AATF: variants seen among roughly 807,000 people sequenced by gnomAD.
The protein encoded by AATF is apoptosis antagonizing transcription factor.
A neutral mutation model predicts 63.7 loss-of-function variants in AATF; 48 were observed. The observed-to-expected ratio is 0.75, with a 90% CI of 0.60 to 0.96. AATF has a LOEUF of 0.96. AATF is among the 40% of genes least tolerant of loss of function. AATF has a pLI of 0.00. For synonymous variants in AATF, 258 were observed against 247.7 expected (o/e 1.04, Z -0.39); for missense variants, 639 against 685.7 (o/e 0.93, Z 0.76).
intron 10 of AATF, chr17:37,021,253 C>T (rs558618169): frequency 5.1e-5 from 20 of 392,698 alleles, no homozygotes; most frequent in African/African-American, 2.5e-4. Context: ...TATGCATTCC[C>T]TTGAAAGAGA....
chr17:37,017,939 T>C lies in AATF; in HGVS notation c.1399-1066T>C, dbSNP rs115912056. On this transcript the variant is annotated intron_variant, in intron 8 of 11. Transcript: ENST00000619387. ...TTCAGCTATTTGATTTGATGAAATA[T>C]CTCTATTGCCACCATGCCTCACCTA... Among the ~76,000 whole-genome samples, 996 of 152,342 alleles carry C rather than the reference T, an allele frequency of 6.5e-3. 18 individuals are homozygous for C. Among genetic ancestry groups the C allele is most frequent in the African/African-American group, 0.023 (956 of 41,574 alleles).
intron 4 of AATF, among the ~76,000 whole-genome samples, chr17:36,981,617 CTTCTTCT>C (rs1282817160): frequency 1.3e-5 from 2 of 150,980 alleles, no homozygotes; most frequent in South Asian, 2.1e-4. Flanking sequence ...CTGATTTCTT[CTTCTTCT>C]TTCTTCTTTC....
At chr17:36,972,057 G>C (rs2071043572) in intron 4 of AATF, among the ~76,000 whole-genome samples, 1 of 152,088 alleles carries the variant, frequency 6.6e-6, no homozygotes, top group Non-Finnish European at 1.5e-5. Flanking sequence ...TGTACGTTTT[G>C]CTTGGATTGA....
intron 11 of AATF, among the ~76,000 whole-genome samples, chr17:37,050,362 A>G (rs1241213394): frequency 1.3e-5 from 2 of 152,234 alleles, no homozygotes; most frequent in Non-Finnish European, 2.9e-5. Flanking sequence ...TCAAATAAGC[A>G]TTCAAATATT....
At chr17:37,008,427 A>G (rs142441702) in intron 8 of AATF, among the ~76,000 whole-genome samples, 1 of 152,370 alleles carries the variant, frequency 6.6e-6, no homozygotes, top group Non-Finnish European at 1.5e-5. Flanking sequence ...AGATAGTTAC[A>G]CTTAGATTGA....
At position 37,025,498 on chromosome 17, in the gene AATF, G is replaced by A. The variant is rs929624819; in HGVS notation, c.1547+4484G>A. ...GCTGAGGAACAGTGGCCATTGACGG[G>A]GGAGGGCAGGAGGAGGTTACGACAG... is the stretch of plus-strand genomic sequence containing the variant. On this transcript the variant is annotated intron_variant, in intron 10 of 11. Transcript: ENST00000619387. 3.9e-5 allele frequency among the ~76,000 whole-genome samples: 6 copies of A among 152,124 alleles called. No individual in the cohort carries two copies. The East Asian group carries it at 1.2e-3, about 29-fold the overall frequency.
intron 4 of AATF, among the ~76,000 whole-genome samples, chr17:36,979,601 G>T (rs1422785747): frequency 1.3e-5 from 2 of 152,040 alleles, no homozygotes; most frequent in Non-Finnish European, 2.9e-5. Flanking sequence ...TATGAATGGG[G>T]GAGTTTATGT....
At chr17:37,042,737 C>CTTTTTTTTTTTT (rs556843023) in intron 11 of AATF, among the ~76,000 whole-genome samples, 1 of 137,372 alleles carries the variant, frequency 7.3e-6, no homozygotes. Context: ...TTTTTTCTTT[C>CTTTTTTTTTTTT]TTTTTTTTTT....
At chr17:36,952,810 TTGAAA>T (rs1597695968) in intron 2 of AATF, 71 bp from the exon 3 acceptor site, 16 of 1,536,362 alleles carry the variant, frequency 1.0e-5, no homozygotes, top group Non-Finnish European at 1.3e-5. Flanking sequence ...AGTGCTTAAG[TTGAAA>T]TGAAGTCTAT....
chr17:36,964,765 C>T (rs766204581), intron 4 of AATF, among the ~76,000 whole-genome samples: 2 of 151,668 alleles, frequency 1.3e-5, no homozygotes, highest in East Asian at 1.9e-4. Flanking sequence ...CCCTCCCCCC[C>T]ACTGTAGCTC....
intron 4 of AATF, among the ~76,000 whole-genome samples, chr17:36,984,027 GA>G (rs2071148059): frequency 6.6e-6 from 1 of 152,200 alleles, no homozygotes; most frequent in South Asian, 2.1e-4. Context: ...CCTACTGATG[GA>G]AAAAGTTGGG....
At chr17:36,980,916 T>TA (rs1374790174) in intron 4 of AATF, among the ~76,000 whole-genome samples, 1 of 151,364 alleles carries the variant, frequency 6.6e-6, no homozygotes, top group Non-Finnish European at 1.5e-5. Context: ...TTTTTTTTTT[T>TA]GGTGGTTAGA....
At chr17:37,054,718 T>C (rs1483333438) in intron 11 of AATF, 3 of 152,264 alleles carry the variant, frequency 2.0e-5, no homozygotes, top group Admixed American at 6.5e-5. Flanking sequence ...TCAGTGGTAA[T>C]GATGGGGTCT....
intron 8 of AATF, among the ~76,000 whole-genome samples, chr17:36,991,394 T>C (rs764152100): frequency 9.2e-5 from 14 of 152,166 alleles, no homozygotes; most frequent in Non-Finnish European, 1.8e-4. Flanking sequence ...ACAGAGAGAA[T>C]TGGTAGAAGT....
Position 37,048,351 on chromosome 17 carries a change from A to G in AATF, c.1620-8250A>G, listed in dbSNP as rs542556600. ...GCAATCCAGCCTTCTTGGGGAGCTA[A>G]GTTTTTCTTTTCTTTTTTTTTTTTT... is the stretch of plus-strand genomic sequence containing the variant. On this transcript the variant is annotated intron_variant, in intron 11 of 11. Transcript: ENST00000619387. Among the ~76,000 whole-genome samples, 40 of 144,386 alleles carry G rather than the reference A, an allele frequency of 2.8e-4. No homozygotes were observed. In the Middle Eastern group the frequency reaches 0.011, roughly 39 times the overall value. 94.7% of individuals were successfully genotyped at this position (144,386 alleles called of 152,430 possible).
rs375391627 is a variant in AATF at position 37,022,147 on chromosome 17, TGTGTGA to T, written c.1547+1135_1547+1140del. The stretch of plus-strand genomic sequence containing the variant: ...GTGTGTGTGTGTGTGTGTGTGTGTG[TGTGTGA>T]GAAACACAGTGTCATCACACAAAGC... On this transcript the variant is annotated intron_variant, in intron 10 of 11. Transcript: ENST00000619387. Among the ~76,000 whole-genome samples the T allele has an allele frequency of 1.3e-3, 186 of 145,252 alleles. 2 individuals are homozygous for T. Among genetic ancestry groups the T allele is most frequent in the Middle Eastern group, 3.5e-3 (1 of 288 alleles).
intron 4 of AATF, among the ~76,000 whole-genome samples, chr17:36,984,730 G>T (rs910442240): frequency 2.6e-5 from 4 of 151,840 alleles, no homozygotes. Flanking sequence ...CAAACTCCTG[G>T]GCTCCAGCAA....
At chr17:36,996,591 G>A (rs1429619229) in intron 8 of AATF, among the ~76,000 whole-genome samples, 1 of 152,146 alleles carries the variant, frequency 6.6e-6, no homozygotes, top group Non-Finnish European at 1.5e-5. Flanking sequence ...TATACCATGT[G>A]TAAGAATGTT....
rs2070876164 is a variant in AATF at position 36,953,767 on chromosome 17, C to T, written c.695-3C>T. ...GAATGGGATTCTCTTTTCTTCTTTT[C>T]AGCACTGTGGGACCAGCTCTTGGAA... On this transcript the variant is annotated splice_polypyrimidine_tract_variant and splice_region_variant and intron_variant, in intron 3 of 11. Coordinates refer to ENST00000619387, the MANE Select transcript of AATF (RefSeq NM_012138.4). The T allele has an allele frequency of 6.2e-7, 1 of 1,611,768 alleles. No individual in the cohort carries two copies. Among genetic ancestry groups the T allele is most frequent in the Non-Finnish European group, 8.5e-7 (1 of 1,179,342 alleles).
Sources: gnomAD v4.1 joint callset for allele counts (sites outside exome capture counted in the v4.1 genomes callset) on GRCh38, gnomAD v4.1.1 for gene constraint, MANE v1.5 for transcripts, NCBI Gene and HGNC (gene_info 2026-07-23, HGNC 2026-07-21) for gene names.